EEPD1: variants seen among roughly 807,000 people sequenced by gnomAD.
EEPD1 encodes the protein endonuclease/exonuclease/phosphatase family domain-containing protein 1.
Under a neutral mutation model 46.3 loss-of-function variants are expected in EEPD1, and 17 were observed. The observed-to-expected ratio is 0.37, with a 90% CI of 0.25 to 0.55. EEPD1 has a LOEUF of 0.55. Among genes scored for constraint, EEPD1 ranks in the 20% least tolerant of loss-of-function variants. The pLI is 0.83. For synonymous variants in EEPD1, 313 were observed against 315.6 expected (o/e 0.99, Z 0.09); for missense variants, 673 against 745.6 (o/e 0.90, Z 1.13).
At chr7:36,293,650 C>T (rs1428982927) in intron 6 of EEPD1, among the ~76,000 whole-genome samples, 1 of 152,170 alleles carries the variant, frequency 6.6e-6, no homozygotes, top group Non-Finnish European at 1.5e-5. Flanking sequence ...GGAACACCCC[C>T]ACCCCATACA....
chr7:36,230,480 C>T (rs539946257), intron 2 of EEPD1, among the ~76,000 whole-genome samples: 48 of 152,246 alleles, frequency 3.2e-4, no homozygotes, highest in African/African-American at 1.1e-3. Context: ...GTCCTGCCTC[C>T]CCATGTCCAT....
chr7:36,298,963 C>A, intron 7 of EEPD1, 44 bp from the exon 8 acceptor site: 1 of 1,599,072 alleles, frequency 6.3e-7, no homozygotes, highest in Non-Finnish European at 8.5e-7. Context: ...CCGCACCCAA[C>A]CCCCCATCCT....
intron 3 of EEPD1, among the ~76,000 whole-genome samples, chr7:36,239,345 C>T (rs1320380330): frequency 6.6e-6 from 1 of 152,096 alleles, no homozygotes; most frequent in African/African-American, 2.4e-5. Flanking sequence ...CCATTAGGAG[C>T]CAGAGGCCTC....
In EEPD1 at chr7:36,205,397, C is replaced by T. The variant is rs1382260142; in HGVS notation, c.879-33588C>T. On this transcript the variant is annotated intron_variant, in intron 2 of 7. Transcript: ENST00000242108. Reference sequence around the variant, plus strand: ...TTTTGCTCTAGGCTTTTCAAAGATTCATCTCCTTACACATTGTATCATCCC... The same window carrying T: ...TTTTGCTCTAGGCTTTTCAAAGATTTATCTCCTTACACATTGTATCATCCC... Among the ~76,000 whole-genome samples the T allele has an allele frequency of 2.0e-5, 3 of 152,206 alleles. No individual in the cohort carries two copies. The East Asian group carries it at 5.8e-4, about 29-fold the overall frequency.
At chr7:36,268,174 C>T (rs182795875) in intron 3 of EEPD1, among the ~76,000 whole-genome samples, 3 of 152,188 alleles carry the variant, frequency 2.0e-5, no homozygotes, top group East Asian at 1.9e-4. Flanking sequence ...GTTTTTGAGA[C>T]GGAGCCTTGC....
chr7:36,197,591 A>G (rs1312563091), intron 2 of EEPD1, among the ~76,000 whole-genome samples: 1 of 152,192 alleles, frequency 6.6e-6, no homozygotes, highest in African/African-American at 2.4e-5. Context: ...CTGCCTTGGG[A>G]TCCTATTGAT....
At chr7:36,284,014 A>G (rs1266790748) in intron 4 of EEPD1, among the ~76,000 whole-genome samples, 1 of 152,232 alleles carries the variant, frequency 6.6e-6, no homozygotes, top group Non-Finnish European at 1.5e-5. Flanking sequence ...CAAAGCAGGC[A>G]TATTCAGAGC....
intron 3 of EEPD1, among the ~76,000 whole-genome samples, chr7:36,270,266 A>T (rs953623905): frequency 6.6e-6 from 1 of 152,196 alleles, no homozygotes; most frequent in Admixed American, 6.5e-5. Context: ...TTTATAAATT[A>T]TCCTGCACTT....
intron 3 of EEPD1, among the ~76,000 whole-genome samples, chr7:36,242,184 G>A (rs1562699224): frequency 6.6e-6 from 1 of 152,184 alleles, no homozygotes; most frequent in Non-Finnish European, 1.5e-5. Context: ...CACAGAGGTT[G>A]TAAGATGACT....
chr7:36,199,554 G>A (rs1346286677), intron 2 of EEPD1, among the ~76,000 whole-genome samples: 2 of 152,176 alleles, frequency 1.3e-5, no homozygotes, highest in East Asian at 1.9e-4. Flanking sequence ...TCCCTGGGCA[G>A]CCTGGGCCAG....
chr7:36,275,262 A>G (rs1787165452), intron 3 of EEPD1, among the ~76,000 whole-genome samples: 1 of 152,168 alleles, frequency 6.6e-6, no homozygotes, highest in African/African-American at 2.4e-5. Flanking sequence ...GCCTACCAGT[A>G]CTATTGATAT....
At chr7:36,222,682 C>T (rs147576565) in intron 2 of EEPD1, among the ~76,000 whole-genome samples, 16 of 152,208 alleles carry the variant, frequency 1.1e-4, no homozygotes, top group South Asian at 1.0e-3. Context: ...ATCAAGGCAC[C>T]GGCTAATTCA....
At chr7:36,203,918 G>A (rs1319807745) in intron 2 of EEPD1, among the ~76,000 whole-genome samples, 1 of 150,544 alleles carries the variant, frequency 6.6e-6, no homozygotes, top group Non-Finnish European at 1.5e-5. Context: ...ATGTTTATTT[G>A]TACAGAATGG....
Position 36,299,873 on chromosome 7 carries a change from C to A in EEPD1, c.*667C>A, listed in dbSNP as rs28465447. On this transcript the variant is annotated 3_prime_UTR_variant, in exon 8 of 8. Transcript: ENST00000242108. ...GCCCTGAGCAGCTTCACTTCCCCTG[C>A]GCCTTTTATGTCCCCACCTTGAGGC... 1 of 151,250 alleles carries A rather than the reference C, an allele frequency of 6.6e-6. No homozygotes were observed. The highest frequency in any genetic ancestry group is 2.4e-5 in the African/African-American group (1 of 41,032). The allele number at this position is 151,250 out of a possible 1,614,324, so 9.4% of individuals were successfully genotyped here.
At chr7:36,165,994 T>C (rs912831872) in intron 2 of EEPD1, among the ~76,000 whole-genome samples, 2 of 152,230 alleles carry the variant, frequency 1.3e-5, no homozygotes, top group Non-Finnish European at 2.9e-5. Flanking sequence ...CGATGAATAC[T>C]GTAAACGGAG....
intron 2 of EEPD1, 50 bp downstream of exon 2, chr7:36,155,252 T>G (rs762608785): frequency 6.7e-7 from 1 of 1,487,894 alleles, no homozygotes; most frequent in Non-Finnish European, 9.0e-7. Flanking sequence ...AACTTGTGCG[T>G]GACCTCATCT....
At chr7:36,278,291 C>T (rs931626590) in intron 3 of EEPD1, among the ~76,000 whole-genome samples, 1 of 152,130 alleles carries the variant, frequency 6.6e-6, no homozygotes, top group Non-Finnish European at 1.5e-5. Flanking sequence ...TTTTCTAAGC[C>T]AGGGTGGGGT....
rs574425644 is a variant in EEPD1 at position 36,197,575 on chromosome 7, A to C, written c.879-41410A>C. ...TTCATTTTGTTCTGTACTAAGAAAA[A>C]TTCTTCTGCCTTGGGATCCTATTGA... On this transcript the variant is annotated intron_variant, in intron 2 of 7. Coordinates refer to ENST00000242108, the MANE Select transcript of EEPD1 (RefSeq NM_030636.3). Among the ~76,000 whole-genome samples, 4 of 152,338 alleles carry C rather than the reference A, an allele frequency of 2.6e-5. No homozygotes were observed. In the South Asian group the frequency reaches 8.3e-4, roughly 32 times the overall value.
At chr7:36,209,000 G>A (rs375131434) in intron 2 of EEPD1, among the ~76,000 whole-genome samples, 3 of 152,216 alleles carry the variant, frequency 2.0e-5, no homozygotes, top group South Asian at 2.1e-4. Flanking sequence ...CAGACCTGGA[G>A]CTAGACTGGT....
Sources: gnomAD v4.1 joint callset for allele counts (sites outside exome capture counted in the v4.1 genomes callset) on GRCh38, gnomAD v4.1.1 for gene constraint, MANE v1.5 for transcripts, NCBI Gene and HGNC (gene_info 2026-07-23, HGNC 2026-07-21) for gene names.